Variants in ARHGAP26 observed in about 807,000 individuals in gnomAD.
The protein encoded by ARHGAP26 is Rho GTPase activating protein 26.
ARHGAP26 carries 38 observed loss-of-function variants against 104.8 expected under a neutral mutation model. The ratio of observed to expected loss-of-function variants is 0.36; its 90% CI spans 0.28 to 0.48. The LOEUF (loss-of-function observed/expected upper bound fraction) is 0.48. ARHGAP26 is among the 20% of genes least tolerant of loss of function. ARHGAP26 has a pLI of 0.99. For missense variants in ARHGAP26, 704 were observed against 947.9 expected, an observed-to-expected ratio of 0.74 and a Z score of 3.38; for synonymous variants, 341 against 340.0, an observed-to-expected ratio of 1.00 and a Z score of -0.03.
chr5:143,030,519 G>A (rs547315144), intron 12 of ARHGAP26, among the ~76,000 whole-genome samples: 3 of 152,304 alleles, frequency 2.0e-5, no homozygotes, highest in South Asian at 4.1e-4. Context: ...TCGCTGCTAG[G>A]TGGCATGCCT....
At chr5:143,081,161 ATTC>A (rs1789758925) in intron 17 of ARHGAP26, among the ~76,000 whole-genome samples, 1 of 152,066 alleles carries the variant, frequency 6.6e-6, no homozygotes, top group Non-Finnish European at 1.5e-5. Flanking sequence ...CATACAGATT[ATTC>A]TTTCTTGTAT....
intron 1 of ARHGAP26, among the ~76,000 whole-genome samples, chr5:142,808,360 G>A (rs1343324388): frequency 6.7e-6 from 1 of 150,006 alleles, no homozygotes; most frequent in African/African-American, 2.4e-5. Flanking sequence ...TTGAGGTGGG[G>A]AAATCCCAAT....
At chr5:142,945,018 C>T (rs1187196266) in intron 11 of ARHGAP26, among the ~76,000 whole-genome samples, 1 of 152,198 alleles carries the variant, frequency 6.6e-6, no homozygotes, top group Admixed American at 6.5e-5. Context: ...CTCACCTGGG[C>T]TGTCCTCATT....
chr5:143,052,188 T>C (rs1375852508), intron 14 of ARHGAP26, among the ~76,000 whole-genome samples: 5 of 152,160 alleles, frequency 3.3e-5, no homozygotes. Flanking sequence ...ATTATGCTCT[T>C]GGGCCAGGCG....
At chr5:142,980,902 C>G (rs1043137180) in intron 11 of ARHGAP26, among the ~76,000 whole-genome samples, 4 of 152,138 alleles carry the variant, frequency 2.6e-5, no homozygotes, top group African/African-American at 9.7e-5. Context: ...TTGGAATTAT[C>G]CATCTTTTTA....
intron 14 of ARHGAP26, among the ~76,000 whole-genome samples, chr5:143,045,555 T>C (rs923470997): frequency 2.6e-5 from 4 of 152,232 alleles, no homozygotes; most frequent in Admixed American, 1.3e-4. Flanking sequence ...CTCCAAAACC[T>C]TCCCCTGAGA....
intron 11 of ARHGAP26, among the ~76,000 whole-genome samples, chr5:142,983,268 G>A (rs112824497): frequency 2.6e-5 from 4 of 152,056 alleles, no homozygotes; most frequent in East Asian, 3.9e-4. Context: ...GTACAGTGGC[G>A]CAATCTCTGC....
intron 17 of ARHGAP26, among the ~76,000 whole-genome samples, chr5:143,082,082 A>T (rs950893642): frequency 6.7e-6 from 1 of 148,906 alleles, no homozygotes; most frequent in Non-Finnish European, 1.5e-5. Flanking sequence ...GTTGCTGGGG[A>T]CGTTTGAGAG....
At position 143,223,795 on chromosome 5, in the gene ARHGAP26, C is replaced by T. The variant is rs1373948232; in HGVS notation, c.*1349C>T. 8.6e-6 allele frequency: 2 copies of T among 232,316 alleles called. No homozygotes were observed. Among genetic ancestry groups the T allele is most frequent in the Non-Finnish European group, 1.7e-5 (2 of 117,298 alleles). The allele number at this position is 232,316 out of a possible 1,614,324, so 14.4% of individuals were successfully genotyped here. On this transcript the variant is annotated 3_prime_UTR_variant, in exon 23 of 23. Coordinates refer to ENST00000645722, the MANE Select transcript of ARHGAP26 (RefSeq NM_001135608.3). ...AAGGTTGGAGGGTGGGATGAGTACC[C>T]TCTGAAAAAGGGAATTTGCTGGTGA...
At chr5:142,832,713 T>G (rs1430597330) in intron 1 of ARHGAP26, among the ~76,000 whole-genome samples, 2 of 152,206 alleles carry the variant, frequency 1.3e-5, no homozygotes, top group Non-Finnish European at 2.9e-5. Context: ...AGCAAGACAC[T>G]GTGTTGGGCA....
intron 17 of ARHGAP26, among the ~76,000 whole-genome samples, chr5:143,084,965 A>C (rs1044643444): frequency 5.3e-5 from 8 of 150,694 alleles, no homozygotes; most frequent in Non-Finnish European, 1.2e-4. Flanking sequence ...AAATTGCTTG[A>C]ACCAGGGAGA....
chr5:143,111,972 GA>G (rs201784948), intron 17 of ARHGAP26, among the ~76,000 whole-genome samples: 8,106 of 152,212 alleles, frequency 0.053, 298 homozygotes, highest in Non-Finnish European at 0.078. Flanking sequence ...ACACTTAGAA[GA>G]AGGTGGCCTC....
At chr5:143,207,081 G>A in intron 20 of ARHGAP26, 117 bp from the exon 21 acceptor site, 2 of 1,270,896 alleles carry the variant, frequency 1.6e-6, no homozygotes, top group Non-Finnish European at 2.2e-6. Flanking sequence ...ACATCCCTGG[G>A]TTTCGGTGCT....
At chr5:143,017,379 ATATGTACATTTC>A (rs1305917967) in intron 12 of ARHGAP26, among the ~76,000 whole-genome samples, 2 of 152,146 alleles carry the variant, frequency 1.3e-5, no homozygotes, top group African/African-American at 4.8e-5. Flanking sequence ...GCTGATAAAT[ATATGTACATTTC>A]TTTGCAGAGC....
chr5:143,123,430 T>C (rs997839873), intron 18 of ARHGAP26, among the ~76,000 whole-genome samples: 5 of 152,260 alleles, frequency 3.3e-5, no homozygotes, highest in Non-Finnish European at 7.3e-5. Context: ...GTGGCTGTGC[T>C]CTGGCCTCTG....
At chr5:143,002,127 GC>G (rs1237677508) in intron 11 of ARHGAP26, among the ~76,000 whole-genome samples, 2 of 152,160 alleles carry the variant, frequency 1.3e-5, no homozygotes, top group East Asian at 3.9e-4. Context: ...AGCTATGCAT[GC>G]CACTGCCCGG....
intron 4 of ARHGAP26, among the ~76,000 whole-genome samples, chr5:142,883,915 C>T (rs1457903610): frequency 1.3e-5 from 2 of 152,178 alleles, no homozygotes; most frequent in African/African-American, 4.8e-5. Context: ...TCTTGTATTT[C>T]TGGTGCCTAA....
chr5:143,179,154 C>T (rs1020998258), intron 20 of ARHGAP26, among the ~76,000 whole-genome samples: 3 of 152,212 alleles, frequency 2.0e-5, no homozygotes, highest in African/African-American at 7.2e-5. Flanking sequence ...CAGGCGTGAG[C>T]CACCGCGCCC....
At chr5:143,015,451 T>C (rs7723504) in intron 12 of ARHGAP26, among the ~76,000 whole-genome samples, 26,455 of 152,200 alleles carry the variant, frequency 0.17, 4,573 homozygotes, top group African/African-American at 0.44. Flanking sequence ...AGCTCTAAAC[T>C]GTTTGTAGTC....
Sources: allele counts gnomAD v4.1 joint callset (sites outside exome capture counted in the v4.1 genomes callset), GRCh38; gene constraint gnomAD v4.1.1; transcripts MANE v1.5; gene names NCBI Gene and HGNC (gene_info 2026-07-23, HGNC 2026-07-21).